Variants in GPM6B observed in about 807,000 individuals in gnomAD.
GPM6B encodes neuronal membrane glycoprotein M6-b.
In GPM6B, 4 loss-of-function variants were observed where a neutral mutation model predicts 27.2. That is an observed-to-expected ratio of 0.15 (90% confidence interval 0.07 to 0.34). The LOEUF (loss-of-function observed/expected upper bound fraction) is 0.34, where lower values mean the gene tolerates loss of function less well. Among genes scored for constraint, GPM6B ranks in the 10% least tolerant of loss-of-function variants. The pLI, the probability that GPM6B is intolerant of heterozygous loss-of-function variation, is 1.00. For synonymous variants in GPM6B, 124 were observed against 103.1 expected (o/e 1.20, Z -1.23); for missense variants, 183 against 261.9 (o/e 0.70, Z 2.08).
At chrX:13,937,944 T>C (rs1300212482) in intron 1 of GPM6B, among the ~76,000 whole-genome samples, 1 of 111,450 alleles carries the variant, frequency 9.0e-6, no homozygotes, top group Admixed American at 9.5e-5. Context: ...CTCCGTCCCA[T>C]GCTGTCCAGA....
chrX:13,788,955 C>G (rs2048662293), intron 2 of GPM6B, among the ~76,000 whole-genome samples: 1 of 111,500 alleles, frequency 9.0e-6, no homozygotes, highest in Non-Finnish European at 1.9e-5. Flanking sequence ...TCAGCAGATG[C>G]CAATGCTCTT....
upstream of GPM6B, among the ~76,000 whole-genome samples, chrX:13,821,125 G>A (rs1417373691): frequency 9.0e-6 from 1 of 111,305 alleles, no homozygotes; most frequent in Non-Finnish European, 1.9e-5. Flanking sequence ...GCAGAAAGGA[G>A]TTTTACCACC....
chrX:13,897,230 AC>A (rs1189328440), intron 1 of GPM6B, among the ~76,000 whole-genome samples: 1 of 111,748 alleles, frequency 8.9e-6, no homozygotes. Context: ...ACCTTAATTG[AC>A]CCAACACACT....
At chrX:13,842,612 G>A (rs2049591462) in intron 1 of GPM6B, among the ~76,000 whole-genome samples, 1 of 111,229 alleles carries the variant, frequency 9.0e-6, no homozygotes, top group East Asian at 2.8e-4. Flanking sequence ...AGACCTGGTG[G>A]CTCATGCCTA....
At chrX:13,915,683 C>T (rs76731763) in intron 1 of GPM6B, among the ~76,000 whole-genome samples, 6 of 112,424 alleles carry the variant, frequency 5.3e-5, no homozygotes, top group East Asian at 2.8e-4. Flanking sequence ...AATTTTTTTG[C>T]GCGTATATAT....
intron 2 of GPM6B, among the ~76,000 whole-genome samples, chrX:13,806,202 G>A (rs750039467): frequency 1.8e-5 from 2 of 111,261 alleles, no homozygotes; most frequent in Non-Finnish European, 3.8e-5. Flanking sequence ...TCAGCCTCTG[G>A]CAACCATTAA....
At chrX:13,904,077 G>A (rs1251424200) in intron 1 of GPM6B, among the ~76,000 whole-genome samples, 9 of 110,639 alleles carry the variant, frequency 8.1e-5, no homozygotes, top group South Asian at 3.8e-4. Flanking sequence ...TTAAATGCAC[G>A]AAAAAATATA....
intron 1 of GPM6B, among the ~76,000 whole-genome samples, chrX:13,930,646 C>A (rs1212970910): frequency 1.8e-5 from 2 of 111,030 alleles, no homozygotes; most frequent in Non-Finnish European, 3.8e-5. Context: ...AAGGGAACAT[C>A]ACTACAGATA....
upstream of GPM6B, chrX:13,938,603 G>A (rs1921969807): frequency 6.8e-6 from 3 of 443,736 alleles, no homozygotes; most frequent in Non-Finnish European, 9.9e-6. Context: ...AGGTCTCGCG[G>A]GCACGTGCGC....
At chrX:13,778,594 A>AAG (rs2048459590) in intron 5 of GPM6B, among the ~76,000 whole-genome samples, 1 of 112,139 alleles carries the variant, frequency 8.9e-6, no homozygotes, top group Non-Finnish European at 1.9e-5. Flanking sequence ...GACACGGGCC[A>AAG]AGAGTACATC....
At chrX:13,822,515 G>GCCC (rs2049322101) in intron 1 of GPM6B, among the ~76,000 whole-genome samples, 5 of 110,181 alleles carry the variant, frequency 4.5e-5, no homozygotes, top group Admixed American at 2.9e-4. Flanking sequence ...ACAGGCGTGG[G>GCCC]GCCACCACGC....
At chrX:13,875,244 G>A (rs1435444759) in intron 1 of GPM6B, among the ~76,000 whole-genome samples, 3 of 111,281 alleles carry the variant, frequency 2.7e-5, no homozygotes, top group African/African-American at 9.8e-5. Context: ...AAGAAGTAGG[G>A]TAACCCCAGA....
rs1282712772 is a variant in GPM6B at position 13,771,224 on chromosome X, G to C, written c.*1657C>G. ...TTCCTGGTAATAGCTACCAGAATTA[G>C]AAAAGTAAAATTAGGCTTTAGACAC... On this transcript the variant is annotated 3_prime_UTR_variant, in exon 8 of 8. Transcript: ENST00000316715. 1 of 111,531 alleles carries C rather than the reference G, an allele frequency of 9.0e-6. No homozygotes were observed. Among genetic ancestry groups the C allele is most frequent in the East Asian group, 2.8e-4 (1 of 3,595 alleles). The allele number at this position is 111,531 out of a possible 1,213,427, so 9.2% of individuals were successfully genotyped here.
chrX:13,914,628 C>G (rs997028436), intron 1 of GPM6B, among the ~76,000 whole-genome samples: 5 of 112,574 alleles, frequency 4.4e-5, no homozygotes, highest in Admixed American at 1.9e-4. Context: ...GCTTGGACTT[C>G]CACATCAGAG....
rs181130393 is a variant in GPM6B, at chrX:13,852,142, T to C, written c.-197-66334A>G. ...TCAATATTTTAGGTTTTGTGGGCCA[T>C]CTGGTCTCTTTTGCAATGACTCAAC... is the stretch of plus-strand genomic sequence containing the variant. On this transcript the variant is annotated intron_variant, in intron 1 of 6. Transcript: ENST00000398361. Among the ~76,000 whole-genome samples, 668 of 110,758 alleles carry C rather than the reference T, an allele frequency of 6.0e-3. 5 individuals are homozygous for C. Among genetic ancestry groups the C allele is most frequent in the Non-Finnish European group, 9.0e-3 (478 of 52,963 alleles).
chrX:13,854,697 G>C (rs983236850), intron 1 of GPM6B, among the ~76,000 whole-genome samples: 1 of 111,964 alleles, frequency 8.9e-6, no homozygotes, highest in South Asian at 3.7e-4. Context: ...TGTTTGAGAT[G>C]AGGGATATGC....
intron 1 of GPM6B, among the ~76,000 whole-genome samples, chrX:13,842,696 T>C (rs1016036878): frequency 3.6e-5 from 4 of 110,636 alleles, no homozygotes; most frequent in Admixed American, 9.6e-5. Context: ...CTGGGCAACA[T>C]AGTGAGGCCC....
chrX:13,896,724 C>T (rs1002635316), intron 1 of GPM6B, among the ~76,000 whole-genome samples: 1 of 110,689 alleles, frequency 9.0e-6, no homozygotes, highest in Non-Finnish European at 1.9e-5. Context: ...TGTGCCACCA[C>T]ACCCAGCTAA....
chrX:13,878,721 A>C lies in GPM6B; in HGVS notation c.-198+59606T>G, dbSNP rs1052026987. On this transcript the variant is annotated intron_variant, in intron 1 of 6. Coordinates refer to the GPM6B transcript ENST00000398361. ...GGGGATTAAGGTTGCAGATAGAATT[A>C]AGGTTGCTAATCAGATGACCAAAGA... is the stretch of plus-strand genomic sequence containing the variant. Among the ~76,000 whole-genome samples, 5 of 111,986 alleles carry C rather than the reference A, an allele frequency of 4.5e-5. No individual in the cohort carries two copies. The Admixed American group carries it at 4.7e-4, about 11-fold the overall frequency.
Sources: allele counts gnomAD v4.1 joint callset (sites outside exome capture counted in the v4.1 genomes callset), GRCh38; gene constraint gnomAD v4.1.1; transcripts MANE v1.5; gene names NCBI Gene and HGNC (gene_info 2026-07-23, HGNC 2026-07-21).